COPE: variants seen among roughly 807,000 people sequenced by gnomAD.
The protein encoded by COPE is coat protein complex I subunit epsilon.
Under a neutral mutation model 42.1 loss-of-function variants are expected in COPE, and 19 were observed. That is an observed-to-expected ratio of 0.45 (90% CI 0.31 to 0.66). The LOEUF is 0.66. Among genes scored for constraint, COPE ranks in the 30% least tolerant of loss-of-function variants. The pLI is 0.05. For synonymous variants in COPE, 195 were observed against 181.3 expected, an observed-to-expected ratio of 1.08 and a Z score of -0.60; for missense variants, 402 against 416.1, an observed-to-expected ratio of 0.97 and a Z score of 0.30.
rs1024187159 is a variant in COPE at position 18,899,892 on chromosome 19, A to G, written c.860T>C (p.Ile287Thr). ...ACTCACCTTGGCCTGGTACTCCTTG[A>G]TGAAGGGATGGGACCTGTGGGCATC... The part of the protein sequence containing the change: ...LKDAHRSHPF[I>T]KEYQAKENDF... The change falls in exon 9 of 10, where the codon ATC (isoleucine) becomes ACC (threonine). Residue 287 changes from isoleucine to threonine, a missense_variant. Physicochemically the swap from Ile to Thr is moderately conservative, Grantham distance 89 (BLOSUM62 -1). Coordinates refer to ENST00000262812, the MANE Select transcript of COPE (RefSeq NM_007263.4). The G allele has an allele frequency of 6.2e-7, 1 of 1,613,566 alleles. No homozygotes were observed. The highest frequency in any genetic ancestry group is 8.5e-7 in the Non-Finnish European group (1 of 1,179,776).
At chr19:18,905,542 C>T (rs1343767613) in intron 5 of COPE, 34 bp downstream of exon 5, 4 of 1,572,800 alleles carry the variant, frequency 2.5e-6, no homozygotes, top group Non-Finnish European at 1.7e-6. Context: ...TGGGCTGTGG[C>T]TCAGTGCGGG....
intron 7 of COPE, among the ~76,000 whole-genome samples, chr19:18,902,711 G>GA (rs1568314496): frequency 1.5e-4 from 6 of 39,456 alleles, no homozygotes; most frequent in South Asian, 1.1e-3. Flanking sequence ...GGAAGGAAAG[G>GA]AAGGAAAGGA....
chr19:18,914,675 G>C (rs547574190), intron 1 of COPE, among the ~76,000 whole-genome samples: 9 of 151,678 alleles, frequency 5.9e-5, no homozygotes, highest in Non-Finnish European at 1.0e-4. Context: ...TAAACCCAGT[G>C]CTTTGGGAGG....
chr19:18,919,235 C>CTT lies in COPE; in HGVS notation c.113_114insAA (p.Gln39SerfsTer4). 6.2e-7 allele frequency: 1 copy of CTT among 1,611,996 alleles called. No individual in the cohort carries two copies. Reference sequence around the variant, plus strand: ...TGCGCGGCCGCACCTTCACCCGCTGCGCCTCGTTTATGCACTGCTGGTAGC... The same window carrying CTT: ...TGCGCGGCCGCACCTTCACCCGCTGCTTGCCTCGTTTATGCACTGCTGGTAGC... On this transcript the variant is annotated frameshift_variant, in exon 1 of 10. Transcript: ENST00000262812. LOFTEE classifies it high-confidence loss of function.
At chr19:18,904,731 G>A in intron 6 of COPE, 40 bp downstream of exon 6, 1 of 1,532,322 alleles carries the variant, frequency 6.5e-7, no homozygotes, top group Non-Finnish European at 8.8e-7. Flanking sequence ...GCTCAGCCAG[G>A]TGCCCGCAAT....
intron 1 of COPE, among the ~76,000 whole-genome samples, chr19:18,917,071 C>A (rs1174268738): frequency 1.3e-5 from 2 of 151,956 alleles, no homozygotes; most frequent in African/African-American, 2.4e-5. Flanking sequence ...TACTTCCCTG[C>A]CTCTCCCAGC....
chr19:18,917,195 G>A (rs572051211), intron 1 of COPE, among the ~76,000 whole-genome samples: 29 of 148,360 alleles, frequency 2.0e-4, no homozygotes, highest in Admixed American at 6.1e-4. Flanking sequence ...TTCCAGTGGC[G>A]GGTTCTGGTG....
chr19:18,909,442 A>T (rs948864079), intron 3 of COPE, among the ~76,000 whole-genome samples: 1 of 149,894 alleles, frequency 6.7e-6, no homozygotes, highest in Non-Finnish European at 1.5e-5. Context: ...GCTGCTGGCC[A>T]CTCGTGGTGC....
chr19:18,901,365 G>A (rs2056697031), intron 7 of COPE, among the ~76,000 whole-genome samples: 1 of 152,270 alleles, frequency 6.6e-6, no homozygotes, highest in South Asian at 2.1e-4. Context: ...GAGGGGCAGG[G>A]TGGTGGAGGA....
At chr19:18,915,521 G>A (rs1430722212) in intron 1 of COPE, among the ~76,000 whole-genome samples, 1 of 152,214 alleles carries the variant, frequency 6.6e-6, no homozygotes, top group Non-Finnish European at 1.5e-5. Flanking sequence ...CGGGGTGGGA[G>A]AGCATTGCTC....
In COPE at chr19:18,903,343, A is replaced by G. The variant is rs369069121; in HGVS notation, c.660T>C (p.Asn220=). The change falls in exon 7 of 10, where the codon AAT becomes AAC. Residue 220 remains asparagine, a synonymous_variant. Coordinates refer to ENST00000262812, the MANE Select transcript of COPE (RefSeq NM_007263.4). ...GGGCCATGTGGCAGGCCGCCTGCCCATTGAGCAGCAGCAGGGTGGGCGAGC... is the reference window on the plus strand; with the variant it reads ...GGGCCATGTGGCAGGCCGCCTGCCCGTTGAGCAGCAGCAGGGTGGGCGAGC... The part of the protein sequence containing the change: ...DKCSPTLLLL[N]GQAACHMAQG... 4 of 1,612,514 alleles carry G rather than the reference A, an allele frequency of 2.5e-6. No homozygotes were observed. The African/African-American group carries it at 5.3e-5, about 22-fold the overall frequency.
intron 3 of COPE, among the ~76,000 whole-genome samples, chr19:18,909,799 C>T (rs1156311974): frequency 1.3e-5 from 2 of 152,164 alleles, no homozygotes; most frequent in Non-Finnish European, 2.9e-5. Flanking sequence ...AAGTATGAGC[C>T]ACTGCACCCA....
At chr19:18,917,047 G>C (rs926699120) in intron 1 of COPE, among the ~76,000 whole-genome samples, 1 of 151,356 alleles carries the variant, frequency 6.6e-6, no homozygotes, top group African/African-American at 2.4e-5. Flanking sequence ...CCTTCCAAAG[G>C]CTCTAGGGGA....
intron 3 of COPE, among the ~76,000 whole-genome samples, chr19:18,908,978 A>G (rs1410496195): frequency 6.6e-6 from 1 of 152,132 alleles, no homozygotes; most frequent in East Asian, 1.9e-4. Context: ...AGGCTGAACG[A>G]CAGAGCAAGA....
chr19:18,907,851 C>T (rs2056775331), intron 3 of COPE, among the ~76,000 whole-genome samples: 1 of 152,228 alleles, frequency 6.6e-6, no homozygotes, highest in South Asian at 2.1e-4. Flanking sequence ...TGGGGGCTGT[C>T]TGCCCAGGGC....
intron 1 of COPE, among the ~76,000 whole-genome samples, chr19:18,917,013 T>C (rs1230914136): frequency 3.5e-5 from 5 of 143,692 alleles, no homozygotes; most frequent in Admixed American, 2.1e-4. Context: ...AAGTCCCAAA[T>C]CAAGGTGTCA....
intron 1 of COPE, among the ~76,000 whole-genome samples, chr19:18,918,580 G>A (rs1217649340): frequency 2.6e-5 from 4 of 152,122 alleles, no homozygotes; most frequent in Non-Finnish European, 5.9e-5. Context: ...GAGATTACAA[G>A]TGCCCGCCAC....
At chr19:18,905,687 C>T in intron 4 of COPE, 58 bp from the exon 5 acceptor site, 1 of 1,528,780 alleles carries the variant, frequency 6.5e-7, no homozygotes, top group South Asian at 1.2e-5. Context: ...TGCATGGCCG[C>T]TCCACACCCA....
At position 18,899,597 on chromosome 19, in the gene COPE, G is replaced by A; in HGVS notation, c.*82C>T. ...GCTCCTGCCCCCAGAGGGGATGCAG[G>A]TGGATGCCGGGTGGGGAGGGCTGCA... On this transcript the variant is annotated 3_prime_UTR_variant, in exon 10 of 10. Transcript: ENST00000262812. The A allele has an allele frequency of 6.7e-7, 1 of 1,496,150 alleles. No individual in the cohort carries two copies. The highest frequency in any genetic ancestry group is 9.3e-7 in the Non-Finnish European group (1 of 1,076,872). The allele number at this position is 1,496,150 out of a possible 1,614,324, so 92.7% of individuals were successfully genotyped here. A position where few individuals can be genotyped will look rare whatever the true frequency, so the allele number is the denominator to read the frequency against.
Sources: allele counts gnomAD v4.1 joint callset (sites outside exome capture counted in the v4.1 genomes callset), GRCh38; gene constraint gnomAD v4.1.1; transcripts MANE v1.5; gene names NCBI Gene and HGNC (gene_info 2026-07-23, HGNC 2026-07-21).